The following DAB2 variants were observed in gnomAD, a reference collection of about 807,000 sequenced individuals.
The protein encoded by DAB2 is DAB adaptor protein 2.
Under a neutral mutation model 71.6 loss-of-function variants are expected in DAB2, and 28 were observed. The ratio of observed to expected loss-of-function variants is 0.39; its 90% CI spans 0.29 to 0.54. The LOEUF (loss-of-function observed/expected upper bound fraction) is 0.54. Among genes scored for constraint, DAB2 ranks in the 20% least tolerant of loss-of-function variants. The pLI is 0.68. For missense variants in DAB2, 867 were observed against 928.8 expected (o/e 0.93, Z 0.86); for synonymous variants, 345 against 339.7 (o/e 1.02, Z -0.17).
At chr5:39,383,298 G>GA (rs746081019) in intron 9 of DAB2, 27 bp from the exon 10 acceptor site, 1 of 1,519,068 alleles carries the variant, frequency 6.6e-7, no homozygotes, top group South Asian at 1.2e-5. Context: ...GAAAAAAAAA[G>GA]AAAGTGTTAG....
At chr5:39,408,651 A>G (rs1297305009) in intron 1 of DAB2, 2 of 152,220 alleles carry the variant, frequency 1.3e-5, no homozygotes, top group African/African-American at 2.4e-5. Flanking sequence ...AATTTCCTTT[A>G]GACAAGACAT....
chr5:39,376,887 T>G lies in DAB2; in HGVS notation c.1900A>C (p.Ser634Arg). The change falls in exon 12 of 15, where the codon AGT becomes CGT. Residue 634 changes from serine (S) to arginine (R), a missense_variant. Transcript: ENST00000320816. ...PRAGPPKDIS[S>R]DAFTALDPLG... Reference sequence around the variant, plus strand: ...GGGTCTAAGGCAGTGAAGGCATCACTGGAGATGTCCTTGGGAGGGCCAGCT... The same window carrying G: ...GGGTCTAAGGCAGTGAAGGCATCACGGGAGATGTCCTTGGGAGGGCCAGCT... 1 of 1,614,090 alleles carries G rather than the reference T, an allele frequency of 6.2e-7. No homozygotes were observed. Among genetic ancestry groups the G allele is most frequent in the Non-Finnish European group, 8.5e-7 (1 of 1,179,992 alleles).
At chr5:39,412,878 A>C (rs927360531) in intron 1 of DAB2, among the ~76,000 whole-genome samples, 8 of 152,166 alleles carry the variant, frequency 5.3e-5, no homozygotes, top group African/African-American at 1.9e-4. Flanking sequence ...TTCTTCAAAG[A>C]CTGGGGCAAC....
At chr5:39,399,296 T>C (rs980640625) in intron 1 of DAB2, among the ~76,000 whole-genome samples, 6 of 152,258 alleles carry the variant, frequency 3.9e-5, no homozygotes, top group Admixed American at 3.3e-4. Context: ...GGATTACAAA[T>C]GAAAGCTCAA....
chr5:39,424,470 TACACAC>T (rs56974213), intron 1 of DAB2, among the ~76,000 whole-genome samples: 32,581 of 134,298 alleles, frequency 0.24, 4,147 homozygotes, highest in South Asian at 0.28. Context: ...GCAGACCTTT[TACACAC>T]ACACACACAC....
At position 39,392,316 on chromosome 5, in the gene DAB2, TG is replaced by T. The variant is rs1286709741; in HGVS notation, c.330+48del. ...AGCCGAAATTCAAGTAGCAAATTGTTGGTCAGACTCAGGTGGTCAGAGAGGT... is the reference window on the plus strand; with the variant it reads ...AGCCGAAATTCAAGTAGCAAATTGTTGTCAGACTCAGGTGGTCAGAGAGGT... On this transcript the variant is annotated intron_variant, in intron 4 of 14. Coordinates refer to ENST00000320816, the MANE Select transcript of DAB2 (RefSeq NM_001343.4). 4 of 1,399,506 alleles carry T rather than the reference TG, an allele frequency of 2.9e-6. No homozygotes were observed. The African/African-American group carries it at 5.7e-5, about 20-fold the overall frequency. 86.7% of individuals were successfully genotyped at this position (1,399,506 alleles called of 1,614,324 possible).
At chr5:39,384,891 A>G (rs1264680842) in intron 9 of DAB2, among the ~76,000 whole-genome samples, 1 of 152,094 alleles carries the variant, frequency 6.6e-6, no homozygotes, top group Non-Finnish European at 1.5e-5. Flanking sequence ...AAATATTTTG[A>G]TCATTGGGGA....
chr5:39,385,661 G>A (rs762433755), intron 9 of DAB2, among the ~76,000 whole-genome samples: 12 of 152,258 alleles, frequency 7.9e-5, no homozygotes, highest in Admixed American at 2.0e-4. Context: ...CCTGCTCGTA[G>A]GGAGCTCCAG....
intron 1 of DAB2, among the ~76,000 whole-genome samples, chr5:39,413,526 C>T (rs193027659): frequency 1.3e-5 from 2 of 152,196 alleles, no homozygotes; most frequent in Non-Finnish European, 2.9e-5. Flanking sequence ...AAAAAAAGAG[C>T]ATCTTTTGTA....
intron 6 of DAB2, 95 bp from the exon 7 acceptor site, chr5:39,389,218 G>T: frequency 1.1e-6 from 1 of 894,198 alleles, no homozygotes. Flanking sequence ...CAGGCATAAG[G>T]CAAGAATAAG....
chr5:39,421,800 T>G (rs1383199765), intron 1 of DAB2, among the ~76,000 whole-genome samples: 2 of 151,922 alleles, frequency 1.3e-5, no homozygotes, highest in Non-Finnish European at 2.9e-5. Flanking sequence ...CTCATGCCTG[T>G]AATTCCAGCA....
Position 39,422,695 on chromosome 5 carries a change from TATC to T in DAB2, c.-102+2106_-102+2108del. Among the ~76,000 whole-genome samples, 1 of 151,962 alleles carries T rather than the reference TATC, an allele frequency of 6.6e-6. No individual in the cohort carries two copies. Among genetic ancestry groups the T allele is most frequent in the East Asian group, 1.9e-4 (1 of 5,170 alleles). ...AGGCCTGGTTGAGCAGGCCAGTAAATATCATCCCCAAACAGCTGGTCAGCAGCT... is the reference window on the plus strand; with the variant it reads ...AGGCCTGGTTGAGCAGGCCAGTAAATATCCCCAAACAGCTGGTCAGCAGCT... On this transcript the variant is annotated intron_variant, in intron 1 of 14. Coordinates refer to ENST00000320816, the MANE Select transcript of DAB2 (RefSeq NM_001343.4). This position sits in a 1 kb window ranked among gnomAD's most constrained non-coding sequence, Gnocchi z 4.1.
intron 1 of DAB2, among the ~76,000 whole-genome samples, chr5:39,406,390 G>A (rs1161741587): frequency 6.6e-6 from 1 of 152,116 alleles, no homozygotes; most frequent in Non-Finnish European, 1.5e-5. Context: ...ACTACTGCAG[G>A]ACCAGAGATG....
chr5:39,407,843 T>G (rs1279567416), intron 1 of DAB2, among the ~76,000 whole-genome samples: 1 of 152,228 alleles, frequency 6.6e-6, no homozygotes, highest in Non-Finnish European at 1.5e-5. Context: ...CTATAAACAT[T>G]AAGCTATAAA....
rs760603265 is a variant in DAB2, at chr5:39,383,095, G to C, written c.864C>G (p.Pro288=). ...NAFSANLNFF[P]TPNPDPFRDD... ...CACGGAAAGGATCAGGATTAGGGGT[G>C]GGAAAGAAGTTGAGATTGGCAGAAA... Residue 288 remains proline (P), a synonymous_variant, in exon 10 of 15, where the codon CCC becomes CCG. Coordinates refer to ENST00000320816, the MANE Select transcript of DAB2 (RefSeq NM_001343.4). 6.2e-7 allele frequency: 1 copy of C among 1,614,152 alleles called. No homozygotes were observed. The highest frequency in any genetic ancestry group is 8.5e-7 in the Non-Finnish European group (1 of 1,180,030).
chr5:39,388,498 T>C lies in DAB2; in HGVS notation c.625-131A>G, dbSNP rs372393773. On this transcript the variant is annotated intron_variant, in intron 8 of 14. Transcript: ENST00000320816. ...TTAATTTCCATTTAACTAATAGATT[T>C]CATATTAAGCTGTTTAGGTCAGGAA... 1.7e-5 allele frequency: 12 copies of C among 711,522 alleles called. No individual in the cohort carries two copies. The East Asian group carries it at 1.8e-4, about 11-fold the overall frequency. 44.1% of individuals were successfully genotyped at this position (711,522 alleles called of 1,614,324 possible). A position where few individuals can be genotyped will look rare whatever the true frequency, so the allele number is the denominator to read the frequency against.
chr5:39,397,761 T>G (rs747448165), intron 1 of DAB2, among the ~76,000 whole-genome samples: 5 of 152,220 alleles, frequency 3.3e-5, no homozygotes, highest in Admixed American at 6.5e-5. Context: ...ACTTGAATAT[T>G]AATCCTTATA....
At chr5:39,414,030 T>C (rs1002282706) in intron 1 of DAB2, among the ~76,000 whole-genome samples, 1 of 152,164 alleles carries the variant, frequency 6.6e-6, no homozygotes, top group Non-Finnish European at 1.5e-5. Flanking sequence ...GGCAGAGTTG[T>C]TGGGGAAAGC....
intron 13 of DAB2, among the ~76,000 whole-genome samples, 176 bp downstream of exon 13, chr5:39,375,821 G>T (rs1362081193): frequency 1.3e-5 from 2 of 152,184 alleles, no homozygotes; most frequent in African/African-American, 4.8e-5. Flanking sequence ...AGGAAGTGGA[G>T]GTTGCAGTGA....
Sources: allele counts gnomAD v4.1 joint callset (sites outside exome capture counted in the v4.1 genomes callset), GRCh38; gene constraint gnomAD v4.1.1; non-coding constraint Gnocchi (gnomAD v3.1); transcripts MANE v1.5; gene names NCBI Gene and HGNC (gene_info 2026-07-23, HGNC 2026-07-21).